Variants in ATP10B observed in about 807,000 individuals in gnomAD.
The protein encoded by ATP10B is phospholipid-transporting ATPase VB.
A neutral mutation model predicts 141.2 loss-of-function variants in ATP10B; 122 were observed. The ratio of observed to expected loss-of-function variants is 0.86; its 90% CI spans 0.75 to 1.00. The LOEUF is 1.00. ATP10B is among the 50% of genes least tolerant of loss of function. The probability of loss-of-function intolerance (pLI) is 0.00; values close to 1 mark genes in which losing one functional copy is unlikely to be tolerated. For missense variants in ATP10B, 1,876 were observed against 1,825.3 expected, an observed-to-expected ratio of 1.03 and a Z score of -0.51; for synonymous variants, 685 against 692.0, an observed-to-expected ratio of 0.99 and a Z score of 0.16.
At chr5:160,866,829 C>T in the ATP10B span, among the ~76,000 whole-genome samples, 1 of 151,972 alleles carries the variant, frequency 6.6e-6, no homozygotes, top group East Asian at 1.9e-4. Flanking sequence ...CTTGAATTAC[C>T]ACTAAAGAAC....
At chr5:160,732,533 C>A (rs1235539094) in intron 2 of ATP10B, among the ~76,000 whole-genome samples, 1 of 152,010 alleles carries the variant, frequency 6.6e-6, no homozygotes, top group African/African-American at 2.4e-5. Context: ...ATGCAGTTTT[C>A]CAGGCTTGAT....
chr5:160,716,808 A>T (rs1765687741), intron 3 of ATP10B, 101 bp downstream of exon 3: 1 of 791,178 alleles, frequency 1.3e-6, no homozygotes, highest in Admixed American at 6.2e-5. Context: ...TCCATCATCA[A>T]GGTGGTGTCA....
intron 1 of ATP10B, among the ~76,000 whole-genome samples, chr5:160,849,009 G>T (rs1376793089): frequency 6.6e-6 from 1 of 152,194 alleles, no homozygotes; most frequent in East Asian, 1.9e-4. Context: ...AGATTTCTGA[G>T]TGATCCCGAG....
At chr5:160,655,809 T>C (rs1761454988) in intron 7 of ATP10B, among the ~76,000 whole-genome samples, 1 of 152,202 alleles carries the variant, frequency 6.6e-6, no homozygotes, top group Non-Finnish European at 1.5e-5. Context: ...AGGAGTCATG[T>C]GGGACAGTAA....
At chr5:160,594,663 A>G (rs1003113160) in intron 22 of ATP10B, among the ~76,000 whole-genome samples, 1 of 151,326 alleles carries the variant, frequency 6.6e-6, no homozygotes, top group African/African-American at 2.4e-5. Context: ...GCAGAGACAC[A>G]CATAGGTTCA....
At chr5:160,648,689 G>A (rs187671225) in intron 8 of ATP10B, among the ~76,000 whole-genome samples, 1 of 152,198 alleles carries the variant, frequency 6.6e-6, no homozygotes, top group African/African-American at 2.4e-5. Context: ...CTTTGATATA[G>A]ATATTATAAT....
chr5:160,652,861 ATATATAATATATATAATATATATATAAT>A (rs1206626989), intron 7 of ATP10B, among the ~76,000 whole-genome samples: 33 of 76,852 alleles, frequency 4.3e-4, no homozygotes, highest in Middle Eastern at 7.5e-3. Context: ...ATTATAAATT[ATATATAATATATATAATATATATATAAT>A]TATATAATAT....
intron 6 of ATP10B, among the ~76,000 whole-genome samples, chr5:160,680,321 A>T (rs2127737777): frequency 6.6e-6 from 1 of 152,286 alleles, no homozygotes; most frequent in East Asian, 1.9e-4. Flanking sequence ...TGTCCTCTTA[A>T]ATCTTGTATT....
At chr5:160,768,926 A>T (rs1769679494) in intron 2 of ATP10B, among the ~76,000 whole-genome samples, 1 of 152,182 alleles carries the variant, frequency 6.6e-6, no homozygotes, top group South Asian at 2.1e-4. Flanking sequence ...TGACAGGTGA[A>T]CTCTGAAAAC....
intron 9 of ATP10B, among the ~76,000 whole-genome samples, chr5:160,642,233 GATGATTGTGGTGT>G (rs1284276083): frequency 3.3e-5 from 5 of 152,190 alleles, no homozygotes; most frequent in Non-Finnish European, 5.9e-5. Flanking sequence ...AAAAATGGGA[GATGATTGTGGTGT>G]ATGAAGTGGG....
intron 24 of ATP10B, among the ~76,000 whole-genome samples, chr5:160,576,403 G>A (rs1242098411): frequency 6.6e-6 from 1 of 152,180 alleles, no homozygotes; most frequent in African/African-American, 2.4e-5. Context: ...TGATGGAGGG[G>A]TCTATGGGAA....
chr5:160,867,674 G>A, the ATP10B span, among the ~76,000 whole-genome samples: 1 of 152,208 alleles, frequency 6.6e-6, no homozygotes, highest in East Asian at 1.9e-4. Context: ...AATTATAGTT[G>A]CTAATTTAAA....
At chr5:160,857,313 G>T in the ATP10B span, among the ~76,000 whole-genome samples, 1 of 150,818 alleles carries the variant, frequency 6.6e-6, no homozygotes, top group African/African-American at 2.4e-5. Flanking sequence ...TTAAGGAATT[G>T]GTCCATTTTG....
At chr5:160,840,534 T>A (rs1472326719) in intron 1 of ATP10B, among the ~76,000 whole-genome samples, 2 of 152,218 alleles carry the variant, frequency 1.3e-5, no homozygotes, top group African/African-American at 4.8e-5. Flanking sequence ...GATTCCTTCT[T>A]CATATCATAT....
Position 160,817,681 on chromosome 5 carries a change from G to T in ATP10B, c.-575-31878C>A, listed in dbSNP as rs187300372. ...TTCATATGGAACCAAAAAAGAGCCC[G>T]CATTGCCAAGTCAATCCTAAGCCAA... On this transcript the variant is annotated intron_variant, in intron 1 of 25. Transcript: ENST00000327245. Among the ~76,000 whole-genome samples the T allele has an allele frequency of 3.3e-5, 5 of 152,042 alleles. No individual in the cohort carries two copies. The South Asian group carries it at 1.0e-3, about 32-fold the overall frequency.
At chr5:160,745,434 A>G (rs1311823038) in intron 2 of ATP10B, among the ~76,000 whole-genome samples, 1 of 152,226 alleles carries the variant, frequency 6.6e-6, no homozygotes, top group Non-Finnish European at 1.5e-5. Context: ...AGTATTCAGG[A>G]GGGACCATCC....
At chr5:160,827,279 G>A (rs190267668) in intron 1 of ATP10B, among the ~76,000 whole-genome samples, 4 of 152,266 alleles carry the variant, frequency 2.6e-5, no homozygotes, top group African/African-American at 4.8e-5. Flanking sequence ...AATATTGGGG[G>A]CAGGTTCCCC....
In ATP10B at chr5:160,696,316, C is replaced by T. The variant is rs185202856; in HGVS notation, c.-204-7373G>A. Reference sequence around the variant, plus strand: ...GTAGAGACACGGTTTCCCATTTTGGCCAGGCTGGTCTTGAACTCCTGACCT... The same window carrying T: ...GTAGAGACACGGTTTCCCATTTTGGTCAGGCTGGTCTTGAACTCCTGACCT... On this transcript the variant is annotated intron_variant, in intron 3 of 25. Coordinates refer to ENST00000327245, the MANE Select transcript of ATP10B (RefSeq NM_025153.3). 5.6e-3 allele frequency among the ~76,000 whole-genome samples: 848 copies of T among 152,082 alleles called. 7 individuals carry two copies. The highest frequency in any genetic ancestry group is 0.02 in the African/African-American group (816 of 41,482).
At chr5:160,568,149 A>G (rs1408444489) in intron 25 of ATP10B, among the ~76,000 whole-genome samples, 2 of 152,102 alleles carry the variant, frequency 1.3e-5, no homozygotes, top group Admixed American at 6.6e-5. Context: ...TCAATTAGAA[A>G]TGTCTCCCAG....
Sources: gnomAD v4.1 joint callset for allele counts (sites outside exome capture counted in the v4.1 genomes callset) on GRCh38, gnomAD v4.1.1 for gene constraint, MANE v1.5 for transcripts, NCBI Gene and HGNC (gene_info 2026-07-23, HGNC 2026-07-21) for gene names.